Variants in MUC4 observed in about 807,000 individuals in gnomAD.
MUC4 encodes the protein mucin 4, cell surface associated, also known as mucin-4.
In MUC4, 202 loss-of-function variants were observed where a neutral mutation model predicts 257.9. The observed-to-expected ratio is 0.78, with a 90% CI of 0.70 to 0.88. The LOEUF is 0.88. Ranked by LOEUF, MUC4 falls within the 40% of genes least tolerant of loss-of-function variation. The probability of loss-of-function intolerance (pLI) is 0.00; values close to 1 mark genes in which losing one functional copy is unlikely to be tolerated. For missense variants in MUC4, 5,976 were observed against 6,513.7 expected, an observed-to-expected ratio of 0.92 and a Z score of 2.84; for synonymous variants, 2,351 against 2,757.1, an observed-to-expected ratio of 0.85 and a Z score of 4.62.
chr3:195,760,552 CGCT>C (rs1718614267), intron 16 of MUC4, among the ~76,000 whole-genome samples: 1 of 100,950 alleles, frequency 9.9e-6, no homozygotes, highest in African/African-American at 4.4e-5. Flanking sequence ...AGGGGTCCAG[CGCT>C]AGGATGGAGT....
In MUC4 at chr3:195,784,586, C is replaced by A. The variant is rs1730420880; in HGVS notation, c.6994G>T (p.Gly2332Cys). Residue 2332 changes from glycine (G) to cysteine (C), a missense_variant, in exon 2 of 25, where the codon GGT (glycine) becomes TGT (cysteine). This residue lies in a region of MUC4 where 35 missense variants were observed against 64.3 expected (regional missense o/e 0.54). Transcript: ENST00000463781. ...PVTSLSSAST[G>C]DTTPLPVTSP... ...GTGACAGGAAGAGGCGTGGTGTCAC[C>A]TGTGGATGCTGAGGAAAGGCTGGTG... 1 of 1,412,530 alleles carries A rather than the reference C, an allele frequency of 7.1e-7. No homozygotes were observed. Among genetic ancestry groups the A allele is most frequent in the Non-Finnish European group, 9.5e-7 (1 of 1,048,566 alleles). The allele number at this position is 1,412,530 out of a possible 1,614,324, so 87.5% of individuals were successfully genotyped here.
chr3:195,751,310 C>G lies in MUC4; in HGVS notation c.15583-39G>C, dbSNP rs776914729. On this transcript the variant is annotated intron_variant, in intron 21 of 24. Coordinates refer to ENST00000463781, the MANE Select transcript of MUC4 (RefSeq NM_018406.7). The stretch of plus-strand genomic sequence containing the variant: ...TGGCAGATGGGGGTGGGGGTGAGGC[C>G]CCATCCGGGGGGGAGACGCCCTCCC... The G allele has an allele frequency of 4.0e-6, 6 of 1,515,032 alleles. No individual in the cohort carries two copies. The South Asian group carries it at 7.1e-5, about 18-fold the overall frequency. 93.8% of individuals were successfully genotyped at this position (1,515,032 alleles called of 1,614,324 possible).
Position 195,762,160 on chromosome 3 carries a change from G to C in MUC4, c.14439C>G (p.Ile4813Met). 2 of 1,607,700 alleles carry C rather than the reference G, an allele frequency of 1.2e-6. No individual in the cohort carries two copies. Among genetic ancestry groups the C allele is most frequent in the Non-Finnish European group, 1.7e-6 (2 of 1,177,814 alleles). Residue 4813 changes from isoleucine to methionine, a missense_variant, in exon 14 of 25, where the codon ATC becomes ATG. By Grantham distance (10) the Ile-to-Met change is conservative. Coordinates refer to ENST00000463781, the MANE Select transcript of MUC4 (RefSeq NM_018406.7). ...AGGCGTGGAGGATGTTGGAGAGCGC[G>C]ATCACCGAGACGGTGGCCCAGCCGT... is the stretch of plus-strand genomic sequence containing the variant. Reference protein sequence around the residue: ...SFDGWATVSVIALSNILHASA... With the variant: ...SFDGWATVSVMALSNILHASA...
Position 195,789,401 on chromosome 3 carries a change from A to G in MUC4, c.2179T>C (p.Ser727Pro). ...GTTTTGGAAAGTGACGTGCCTCCTG[A>G]GGGCCCCAGGGTGGCATCATGGCTG... ...PSSHDATLGP[S>P]GGTSLSKTGA... The change falls in exon 2 of 25, where the codon TCA becomes CCA. Residue 727 changes from serine (S) to proline (P), a missense_variant. This residue lies in a region of MUC4 where 1,583 missense variants were observed against 1,257.4 expected (regional missense o/e 1.26). Coordinates refer to ENST00000463781, the MANE Select transcript of MUC4 (RefSeq NM_018406.7). 1.2e-6 allele frequency: 2 copies of G among 1,613,848 alleles called. No homozygotes were observed. The highest frequency in any genetic ancestry group is 1.7e-6 in the Non-Finnish European group (2 of 1,179,864).
At chr3:195,795,239 G>A (rs1032514854) in intron 1 of MUC4, among the ~76,000 whole-genome samples, 2 of 151,918 alleles carry the variant, frequency 1.3e-5, no homozygotes, top group African/African-American at 4.8e-5. Flanking sequence ...GCTATCTAGG[G>A]GCCAAACTTT....
chr3:195,753,049 A>G lies in MUC4; in HGVS notation c.15508+2T>C. The G allele has an allele frequency of 6.2e-7, 1 of 1,605,098 alleles. No homozygotes were observed. Among genetic ancestry groups the G allele is most frequent in the Non-Finnish European group, 8.5e-7 (1 of 1,175,232 alleles). On this transcript the variant is annotated splice_donor_variant, in intron 20 of 24. Transcript: ENST00000463781. LOFTEE classifies it high-confidence loss of function. ...GTGAGAGGGCGGGGTCTCTGGCGGTACCTAGGTTGACAGTTGGACTGAAGT... is the reference window on the plus strand; with the variant it reads ...GTGAGAGGGCGGGGTCTCTGGCGGTGCCTAGGTTGACAGTTGGACTGAAGT...
intron 1 of MUC4, among the ~76,000 whole-genome samples, chr3:195,808,617 C>A (rs1421687794): frequency 6.6e-6 from 1 of 152,256 alleles, no homozygotes; most frequent in Non-Finnish European, 1.5e-5. Context: ...GCCTAAGACT[C>A]CAGAGCCAAA....
rs1230299915 is a variant in MUC4 at position 195,779,063 on chromosome 3, G to C, written c.12517C>G (p.His4173Asp). ...VTDASSVSTG[H>D]GTPLPVTSTS... ...CTGGTGACAGGAAGAGGGGTGCCGTGACCTGTGGACACTGAGGAAGCGTCG... is the reference window on the plus strand; with the variant it reads ...CTGGTGACAGGAAGAGGGGTGCCGTCACCTGTGGACACTGAGGAAGCGTCG... The change falls in exon 2 of 25, where the codon CAC (histidine) becomes GAC (aspartate). Residue 4173 changes from histidine (H) to aspartate (D), a missense_variant. Physicochemically the swap from His to Asp is moderately conservative, Grantham distance 81. This residue lies in a region of MUC4 where 293 missense variants were observed against 294.5 expected (regional missense o/e 1.00). Coordinates refer to ENST00000463781, the MANE Select transcript of MUC4 (RefSeq NM_018406.7). 11 of 1,112,870 alleles carry C rather than the reference G, an allele frequency of 9.9e-6. 1 individual carries two copies. The African/African-American group carries it at 1.5e-4, about 15-fold the overall frequency. The allele number at this position is 1,112,870 out of a possible 1,614,324, so 68.9% of individuals were successfully genotyped here.
Position 195,789,409 on chromosome 3 carries a change from A to C in MUC4, c.2171T>G (p.Leu724Arg). ...QAAPSSHDAT[L>R]GPSGGTSLSK... The stretch of plus-strand genomic sequence containing the variant: ...AAGTGACGTGCCTCCTGAGGGCCCC[A>C]GGGTGGCATCATGGCTGCTGGGTGC... Residue 724 changes from leucine to arginine, a missense_variant, in exon 2 of 25, where the codon CTG (leucine) becomes CGG (arginine). Physicochemically the swap from Leu to Arg is moderately radical, Grantham distance 102. Around this residue, in one of 44 missense-constraint regions of MUC4, gnomAD observed 1,583 missense variants for 1,257.4 expected, o/e 1.26. Coordinates refer to ENST00000463781, the MANE Select transcript of MUC4 (RefSeq NM_018406.7). 6.2e-6 allele frequency: 10 copies of C among 1,613,892 alleles called. No homozygotes were observed. The highest frequency in any genetic ancestry group is 7.6e-6 in the Non-Finnish European group (9 of 1,179,862).
chr3:195,751,980 C>G, intron 21 of MUC4: 1 of 261,242 alleles, frequency 3.8e-6, no homozygotes, highest in Admixed American at 4.7e-5. Flanking sequence ...TTCTACAGCC[C>G]CAACCACTCA....
Position 195,779,429 on chromosome 3 carries a change from C to T in MUC4, c.12151G>A (p.Val4051Ile). 1.1e-6 allele frequency: 1 copy of T among 906,532 alleles called. No homozygotes were observed. The highest frequency in any genetic ancestry group is 1.5e-6 in the Non-Finnish European group (1 of 645,712). The allele number at this position is 906,532 out of a possible 1,614,324, so 56.2% of individuals were successfully genotyped here. Residue 4051 changes from valine to isoleucine, a missense_variant, in exon 2 of 25, where the codon GTC (valine) becomes ATC (isoleucine). Transcript: ENST00000463781. ...ASTGDTTPLP[V>I]TNASSLSTGH... ...GTGGATAATGAGGAAGCATTGGTGA[C>T]AGGAAGAGGGGTGGTGTCACCTGTG...
In MUC4 at chr3:195,747,269, C is replaced by T. The variant is rs1233267902; in HGVS notation, c.16146G>A (p.Leu5382=). The change falls in exon 25 of 25, where the codon CTG becomes CTA. Residue 5382 remains leucine (L), a synonymous_variant. Coordinates refer to ENST00000463781, the MANE Select transcript of MUC4 (RefSeq NM_018406.7). ...GGACCACGAACGTCCCGACCCCCAG[C>T]AGCAAGAGGCCGCCCAGGGCCCCAA... The part of the protein sequence containing the change: ...IFFGALGGLL[L]LGVGTFVVLR... 6.2e-7 allele frequency: 1 copy of T among 1,614,256 alleles called. No homozygotes were observed. Among genetic ancestry groups the T allele is most frequent in the South Asian group, 1.1e-5 (1 of 91,088 alleles).
Position 195,784,525 on chromosome 3 carries a change from G to C in MUC4, c.7055C>G (p.Pro2352Arg), listed in dbSNP as rs201453005. The C allele has an allele frequency of 6.7e-7, 1 of 1,500,606 alleles. No individual in the cohort carries two copies. The highest frequency in any genetic ancestry group is 8.8e-7 in the Non-Finnish European group (1 of 1,130,380). The allele number at this position is 1,500,606 out of a possible 1,614,324, so 93.0% of individuals were successfully genotyped here. The change falls in exon 2 of 25, where the codon CCT becomes CGT. Residue 2352 changes from proline (P) to arginine (R), a missense_variant. By Grantham distance (103) the Pro-to-Arg change is moderately radical. Coordinates refer to ENST00000463781, the MANE Select transcript of MUC4 (RefSeq NM_018406.7). ...TGAGGAAGCGTCGGTGACATGAAGA[G>C]GGGTGGCGTGACCTGTGGATGCTGA... ...PSSASTGHAT[P>R]LHVTDASSVS...
At chr3:195,807,600 G>C (rs76338302) in intron 1 of MUC4, among the ~76,000 whole-genome samples, 1 of 152,174 alleles carries the variant, frequency 6.6e-6, no homozygotes, top group Non-Finnish European at 1.5e-5. Context: ...TGCTGGGGCG[G>C]GAACTCAGCC....
In MUC4 at chr3:195,751,289, A is replaced by G. The variant is rs1321505571; in HGVS notation, c.15583-18T>C. On this transcript the variant is annotated intron_variant, in intron 21 of 24. Transcript: ENST00000463781. ...TATGCCACCTAGGTTAGAGGATGGCAGATGGGGGTGGGGGTGAGGCCCCAT... is the reference window on the plus strand; with the variant it reads ...TATGCCACCTAGGTTAGAGGATGGCGGATGGGGGTGGGGGTGAGGCCCCAT... 3.8e-6 allele frequency: 6 copies of G among 1,592,780 alleles called. No homozygotes were observed. Among genetic ancestry groups the G allele is most frequent in the Middle Eastern group, 1.7e-4 (1 of 6,026 alleles).
chr3:195,810,562 C>G lies in MUC4; in HGVS notation c.82+1174G>C, dbSNP rs1189331488. On this transcript the variant is annotated intron_variant, in intron 1 of 24. Coordinates refer to ENST00000463781, the MANE Select transcript of MUC4 (RefSeq NM_018406.7). The surrounding 1 kb of genome is among the most constrained non-coding windows in gnomAD (Gnocchi z 4.2). The stretch of plus-strand genomic sequence containing the variant: ...ACACGGAGGAGCCCAAGGCCAATGC[C>G]GGGGCTACGAGCCCCAGGCAAGGCC... Among the ~76,000 whole-genome samples the G allele has an allele frequency of 1.3e-5, 2 of 152,028 alleles. No homozygotes were observed. Among genetic ancestry groups the G allele is most frequent in the African/African-American group, 4.8e-5 (2 of 41,378 alleles).
chr3:195,771,605 C>T, intron 5 of MUC4, 47 bp downstream of exon 5: 1 of 1,594,544 alleles, frequency 6.3e-7, no homozygotes, highest in Non-Finnish European at 8.6e-7. Context: ...TTTGTCTCCC[C>T]TGCCAGCTGC....
chr3:195,798,799 G>T (rs1263082235), intron 1 of MUC4, among the ~76,000 whole-genome samples: 2 of 152,164 alleles, frequency 1.3e-5, no homozygotes, highest in Non-Finnish European at 2.9e-5. Flanking sequence ...TACCTGATAT[G>T]AGCATTTCTT....
chr3:195,798,207 A>G (rs763420479), intron 1 of MUC4, among the ~76,000 whole-genome samples: 136 of 152,310 alleles, frequency 8.9e-4, no homozygotes, highest in Admixed American at 1.9e-3. Flanking sequence ...TATGATGGTG[A>G]CCAAAAAAAG....
Sources: allele counts gnomAD v4.1 joint callset (sites outside exome capture counted in the v4.1 genomes callset), GRCh38; gene constraint gnomAD v4.1.1; regional missense constraint gnomAD v4.1.1; non-coding constraint Gnocchi (gnomAD v3.1); transcripts MANE v1.5; gene names NCBI Gene and HGNC (gene_info 2026-07-23, HGNC 2026-07-21).